The following NCOA1 variants were observed in gnomAD, a reference collection of about 807,000 sequenced individuals.
NCOA1 encodes the protein nuclear receptor coactivator 1.
In NCOA1, 35 loss-of-function variants were observed where a neutral mutation model predicts 150.9. The observed-to-expected ratio is 0.23, with a 90% CI of 0.18 to 0.31. The LOEUF is 0.31. NCOA1 is among the 10% of genes least tolerant of loss of function. The pLI is 1.00. For synonymous variants in NCOA1, 590 were observed against 630.0 expected, an observed-to-expected ratio of 0.94 and a Z score of 0.95; for missense variants, 1,491 against 1,749.3, an observed-to-expected ratio of 0.85 and a Z score of 2.63.
chr2:24,678,302 G>A (rs1357458805), intron 7 of NCOA1, among the ~76,000 whole-genome samples: 1 of 152,098 alleles, frequency 6.6e-6, no homozygotes, highest in Non-Finnish European at 1.5e-5. Flanking sequence ...TGGGCATTTA[G>A]GTTGATTCCA....
At chr2:24,707,924 T>G in intron 13 of NCOA1, 36 bp downstream of exon 13, 2 of 1,545,050 alleles carry the variant, frequency 1.3e-6, no homozygotes, top group Non-Finnish European at 1.7e-6. Flanking sequence ...TGGTCATTCT[T>G]AGTAATTTTT....
intron 3 of NCOA1, among the ~76,000 whole-genome samples, chr2:24,591,484 C>T (rs1054306826): frequency 1.3e-5 from 2 of 152,102 alleles, no homozygotes; most frequent in Non-Finnish European, 2.9e-5. Context: ...CACTGCCTGG[C>T]GTTTAGTGAA....
At chr2:24,758,238 A>C (rs1266592204) in intron 21 of NCOA1, 82 bp downstream of exon 21, 3 of 1,317,102 alleles carry the variant, frequency 2.3e-6, no homozygotes, top group Non-Finnish European at 3.1e-6. Context: ...ACAGTTACTC[A>C]TCAGAAATAG....
At chr2:24,711,307 A>G (rs988148051) in intron 14 of NCOA1, 196 bp downstream of exon 14, 13 of 506,758 alleles carry the variant, frequency 2.6e-5, no homozygotes, top group South Asian at 2.0e-4. Context: ...TATGACCTCT[A>G]TCCTTTTGTA....
chr2:24,640,908 T>A (rs1670185719), intron 3 of NCOA1, among the ~76,000 whole-genome samples: 1 of 152,114 alleles, frequency 6.6e-6, no homozygotes, highest in Non-Finnish European at 1.5e-5. Context: ...ATCTTTTAAT[T>A]GTAATGTTTA....
chr2:24,768,342 C>T lies in NCOA1; in HGVS notation c.4277C>T (p.Thr1426Ile), dbSNP rs201582264. Residue 1426 changes from threonine (T) to isoleucine (I), a missense_variant, in exon 23 of 23, where the codon ACC becomes ATC. By Grantham distance (89) the Thr-to-Ile change is moderately conservative. Around this residue, in one of 8 missense-constraint regions of NCOA1, gnomAD observed 46 missense variants for 78.8 expected, o/e 0.58. Coordinates refer to ENST00000348332, the MANE Select transcript of NCOA1 (RefSeq NM_003743.5). ...CAAAAGCCCACGTCAGGACCACAGA[C>T]CCCCCAGGCCCAGCAGAAGAGCCTC... is the stretch of plus-strand genomic sequence containing the variant. ...GTQKPTSGPQ[T>I]PQAQQKSLLQ... The T allele has an allele frequency of 6.2e-7, 1 of 1,612,764 alleles. No homozygotes were observed. The highest frequency in any genetic ancestry group is 1.7e-5 in the Admixed American group (1 of 59,968).
chr2:24,725,714 C>CGT (rs57720230), intron 14 of NCOA1, among the ~76,000 whole-genome samples: 3,988 of 148,940 alleles, frequency 0.027, 131 homozygotes, highest in African/African-American at 0.086. Context: ...CTAAAGTGTG[C>CGT]GTGTGTGTGT....
intron 3 of NCOA1, among the ~76,000 whole-genome samples, chr2:24,592,566 T>C (rs1667699250): frequency 6.9e-6 from 1 of 144,384 alleles, no homozygotes; most frequent in African/African-American, 2.5e-5. Flanking sequence ...TTCAAATTGC[T>C]ATCCCCTCCT....
rs1468508780 is a variant in NCOA1 at position 24,689,494 on chromosome 2, C to T, written c.533-1987C>T. On this transcript the variant is annotated intron_variant, in intron 8 of 22. Coordinates refer to ENST00000348332, the MANE Select transcript of NCOA1 (RefSeq NM_003743.5). ...TGCAATCTTGGCTCACTGCAAGCTCCGCCTCCCAGGCTCCCAAGTAGCTGG... is the reference window on the plus strand; with the variant it reads ...TGCAATCTTGGCTCACTGCAAGCTCTGCCTCCCAGGCTCCCAAGTAGCTGG... Among the ~76,000 whole-genome samples the T allele has an allele frequency of 3.3e-5, 5 of 151,926 alleles. No homozygotes were observed. The East Asian group carries it at 7.7e-4, about 23-fold the overall frequency.
At chr2:24,521,755 A>G (rs10166639) in intron 1 of NCOA1, among the ~76,000 whole-genome samples, 2,023 of 152,252 alleles carry the variant, frequency 0.013, 59 homozygotes, top group African/African-American at 0.046. Context: ...CAGAAGTAGG[A>G]TTGCTGGATC....
chr2:24,679,742 A>C (rs1354773964), intron 7 of NCOA1, among the ~76,000 whole-genome samples: 3 of 152,220 alleles, frequency 2.0e-5, no homozygotes, highest in African/African-American at 7.2e-5. Flanking sequence ...TCCTGTGCTC[A>C]TCTAAACCCA....
At chr2:24,561,247 G>A (rs1288755018) in intron 1 of NCOA1, among the ~76,000 whole-genome samples, 1 of 152,136 alleles carries the variant, frequency 6.6e-6, no homozygotes, top group African/African-American at 2.4e-5. Flanking sequence ...AGGGCAAAAT[G>A]ACCTGCATGT....
intron 4 of NCOA1, among the ~76,000 whole-genome samples, chr2:24,652,715 C>T (rs1670764184): frequency 6.6e-6 from 1 of 152,098 alleles, no homozygotes; most frequent in African/African-American, 2.4e-5. Context: ...CCTAAAACTA[C>T]TCTCTAGAGA....
At chr2:24,615,301 A>G (rs148612932) in intron 3 of NCOA1, among the ~76,000 whole-genome samples, 2 of 152,330 alleles carry the variant, frequency 1.3e-5, no homozygotes, top group Admixed American at 1.3e-4. Context: ...TCTCTGCTCA[A>G]CTGCTTGTTA....
At chr2:24,697,055 A>G (rs1672939885) in intron 10 of NCOA1, among the ~76,000 whole-genome samples, 1 of 152,114 alleles carries the variant, frequency 6.6e-6, no homozygotes, top group Non-Finnish European at 1.5e-5. Flanking sequence ...TATGATAACA[A>G]TGGCGAATCA....
chr2:24,669,807 G>A (rs1259270669), intron 6 of NCOA1, among the ~76,000 whole-genome samples: 3 of 152,142 alleles, frequency 2.0e-5, no homozygotes, highest in South Asian at 4.1e-4. Flanking sequence ...TAGAATCAAA[G>A]TCACATACCA....
At chr2:24,629,437 T>C (rs1048021573) in intron 3 of NCOA1, among the ~76,000 whole-genome samples, 49 of 150,094 alleles carry the variant, frequency 3.3e-4, no homozygotes, top group Non-Finnish European at 3.7e-4. Context: ...AATTAAGATA[T>C]AACAAAATAA....
At chr2:24,704,843 C>T (rs1487445998) in intron 11 of NCOA1, among the ~76,000 whole-genome samples, 2 of 151,954 alleles carry the variant, frequency 1.3e-5, no homozygotes, top group Non-Finnish European at 1.5e-5. Flanking sequence ...TATAACTTCT[C>T]TGAGGAGGCA....
chr2:24,674,835 A>T (rs1671833645), intron 7 of NCOA1, among the ~76,000 whole-genome samples: 1 of 151,942 alleles, frequency 6.6e-6, no homozygotes, highest in Non-Finnish European at 1.5e-5. Context: ...TCTGACTCTA[A>T]CCCTCCTGTT....
Sources: gnomAD v4.1 joint callset for allele counts (sites outside exome capture counted in the v4.1 genomes callset) on GRCh38, gnomAD v4.1.1 for gene constraint, gnomAD v4.1.1 regional missense constraint, MANE v1.5 for transcripts, NCBI Gene and HGNC (gene_info 2026-07-23, HGNC 2026-07-21) for gene names.